Variants in USP34 observed in about 807,000 individuals in gnomAD.
USP34 encodes ubiquitin carboxyl-terminal hydrolase 34.
A neutral mutation model predicts 460.3 loss-of-function variants in USP34; 70 were observed. The observed-to-expected ratio is 0.15, with a 90% CI of 0.13 to 0.19. The LOEUF (loss-of-function observed/expected upper bound fraction) is 0.19. USP34 is among the 10% of genes least tolerant of loss of function. The pLI, the probability that USP34 is intolerant of heterozygous loss-of-function variation, is 1.00. For synonymous variants in USP34, 1,647 were observed against 1,405.3 expected, an observed-to-expected ratio of 1.17 and a Z score of -3.85; for missense variants, 3,985 against 4,236.2, an observed-to-expected ratio of 0.94 and a Z score of 1.65.
rs1038282365 is a variant in USP34, at chr2:61,325,421, T to C, written c.2967A>G (p.Gln989=). The C allele has an allele frequency of 3.9e-6, 6 of 1,554,028 alleles. No homozygotes were observed. In the African/African-American group the frequency reaches 4.2e-5, roughly 11 times the overall value. Residue 989 remains glutamine, a synonymous_variant, in exon 21 of 80, where the codon CAA becomes CAG. Transcript: ENST00000398571. ...GAGTTGAAAATACACAAGTCAAGAA[T>C]TGAAGACGAACTTGAACTTCAGCAC... ...SHSAEVQVRL[Q]FLTCVFSTLG...
chr2:61,311,401 C>A, intron 27 of USP34, 139 bp downstream of exon 27: 1 of 929,646 alleles, frequency 1.1e-6, no homozygotes, highest in Non-Finnish European at 1.5e-6. Flanking sequence ...CAAGACAAAC[C>A]AAGACAGTTG....
At position 61,311,524 on chromosome 2, in the gene USP34, G is replaced by C. The variant is rs559110470; in HGVS notation, c.3817+16C>G. 7.9e-7 allele frequency: 1 copy of C among 1,264,264 alleles called. No individual in the cohort carries two copies. The highest frequency in any genetic ancestry group is 2.9e-5 in the Admixed American group (1 of 34,026). The allele number at this position is 1,264,264 out of a possible 1,614,324, so 78.3% of individuals were successfully genotyped here. ...AGAGAGAAAGAGAAAGAGAAAATTT[G>C]AATTGAAAGGCTTACCAGGAAACTC... is the stretch of plus-strand genomic sequence containing the variant. On this transcript the variant is annotated intron_variant, in intron 27 of 79. Coordinates refer to ENST00000398571, the MANE Select transcript of USP34 (RefSeq NM_014709.4).
chr2:61,293,746 G>A (rs1254261482), intron 32 of USP34, among the ~76,000 whole-genome samples, 196 bp from the exon 33 acceptor site: 2 of 152,166 alleles, frequency 1.3e-5, no homozygotes, highest in Admixed American at 6.5e-5. Context: ...TGGGTGCAAT[G>A]GTTCATGCCT....
At chr2:61,412,980 A>C (rs1384707475) in intron 2 of USP34, among the ~76,000 whole-genome samples, 2 of 152,156 alleles carry the variant, frequency 1.3e-5, no homozygotes, top group African/African-American at 2.4e-5. Flanking sequence ...GAGAGCAATA[A>C]ATATGGAGGT....
chr2:61,285,920 T>G (rs776107657), intron 34 of USP34, among the ~76,000 whole-genome samples: 10 of 152,172 alleles, frequency 6.6e-5, no homozygotes, highest in Non-Finnish European at 1.3e-4. Context: ...ATTATTAAAT[T>G]TATTCTGCAG....
At chr2:61,215,180 G>T (rs1182489894) in intron 67 of USP34, among the ~76,000 whole-genome samples, 1 of 152,018 alleles carries the variant, frequency 6.6e-6, no homozygotes, top group East Asian at 1.9e-4. Context: ...TATAAAGAAA[G>T]AAATAGATAT....
chr2:61,207,182 C>G, intron 70 of USP34: 1 of 213,530 alleles, frequency 4.7e-6, no homozygotes, highest in Non-Finnish European at 9.3e-6. Context: ...TTCAAAATTA[C>G]AAAGCAGTAG....
intron 1 of USP34, among the ~76,000 whole-genome samples, chr2:61,447,395 C>G (rs1342063155): frequency 1.3e-5 from 2 of 150,880 alleles, no homozygotes; most frequent in Non-Finnish European, 2.9e-5. Context: ...ATTTTTCTAT[C>G]AAAGCTCAAA....
intron 61 of USP34, 107 bp from the exon 62 acceptor site, chr2:61,227,325 A>C (rs1186046083): frequency 4.8e-6 from 6 of 1,247,754 alleles, no homozygotes; most frequent in African/African-American, 1.6e-5. Flanking sequence ...GGAGCTTGTA[A>C]CATGAAAAAC....
At chr2:61,455,208 T>G (rs778704625) in intron 1 of USP34, among the ~76,000 whole-genome samples, 6 of 151,070 alleles carry the variant, frequency 4.0e-5, no homozygotes, top group Admixed American at 6.6e-5. Context: ...AGACAGAGTC[T>G]CCGTCTGTCA....
In USP34 at chr2:61,248,185, C is replaced by CAA. The variant is rs11339335; in HGVS notation, c.6394+324_6394+325dup. On this transcript the variant is annotated intron_variant, in intron 49 of 79. Transcript: ENST00000398571. ...ACAAAATAAGACTGTCTCAGAAGACCAAAAAAAAAAAAAAAAAAAAACCCC... is the reference window on the plus strand; with the variant it reads ...ACAAAATAAGACTGTCTCAGAAGACCAAAAAAAAAAAAAAAAAAAAAAACCCC... Among the ~76,000 whole-genome samples, 225 of 69,506 alleles carry CAA rather than the reference C, an allele frequency of 3.2e-3. 3 individuals carry two copies. In the Middle Eastern group the frequency reaches 0.033, roughly 10 times the overall value. The allele number at this position is 69,506 out of a possible 152,430, so 45.6% of individuals were successfully genotyped here.
In USP34 at chr2:61,257,049, T is replaced by C. The variant is rs1367917924; in HGVS notation, c.6048+3A>G. On this transcript the variant is annotated splice_donor_region_variant and intron_variant, in intron 46 of 79. Transcript: ENST00000398571. ...AAAAGTAAAAACCAGGTATAATACT[T>C]ACCAAGGATACAACATTGTTTGTAA... 2 of 1,557,320 alleles carry C rather than the reference T, an allele frequency of 1.3e-6. No homozygotes were observed. Among genetic ancestry groups the C allele is most frequent in the Middle Eastern group, 1.8e-4 (1 of 5,502 alleles).
chr2:61,278,371 T>G lies in USP34; in HGVS notation c.5312+17A>C. On this transcript the variant is annotated intron_variant, in intron 40 of 79. Coordinates refer to ENST00000398571, the MANE Select transcript of USP34 (RefSeq NM_014709.4). ...TTTCCTCGACAATATAAATGTCAAT[T>G]TCACATCAAATTTTACCTTCGAATA... 1 of 1,608,424 alleles carries G rather than the reference T, an allele frequency of 6.2e-7. No individual in the cohort carries two copies.
intron 5 of USP34, among the ~76,000 whole-genome samples, chr2:61,393,516 A>G (rs1002884701): frequency 1.3e-5 from 2 of 151,994 alleles, no homozygotes; most frequent in African/African-American, 4.8e-5. Flanking sequence ...GAATGGGTGG[A>G]ATTTTTTAAC....
At chr2:61,336,718 G>A (rs889996725) in intron 18 of USP34, among the ~76,000 whole-genome samples, 2 of 145,910 alleles carry the variant, frequency 1.4e-5, no homozygotes, top group African/African-American at 2.5e-5. Context: ...GTTGAGGCAG[G>A]AGAATCACTT....
intron 1 of USP34, among the ~76,000 whole-genome samples, chr2:61,468,221 T>C (rs1175688061): frequency 2.0e-5 from 3 of 152,250 alleles, no homozygotes; most frequent in South Asian, 4.1e-4. Context: ...GTTTCGCTCT[T>C]GTTGCCCAGG....
At chr2:61,354,925 C>T (rs574197559) in intron 10 of USP34, among the ~76,000 whole-genome samples, 32 of 152,200 alleles carry the variant, frequency 2.1e-4, no homozygotes, top group African/African-American at 7.2e-4. Flanking sequence ...TGTACCAGAC[C>T]CCATGCTATA....
Position 61,307,308 on chromosome 2 carries a change from C to T in USP34, c.3817+4232G>A, listed in dbSNP as rs533313886. ...AGAAGGGGAACATCACACACCGGGG[C>T]CTGTCATGGGGTGGGGGGAGGGGGG... On this transcript the variant is annotated intron_variant, in intron 27 of 79. Coordinates refer to ENST00000398571, the MANE Select transcript of USP34 (RefSeq NM_014709.4). 4.0e-5 allele frequency among the ~76,000 whole-genome samples: 5 copies of T among 124,660 alleles called. No individual in the cohort carries two copies. In the South Asian group the frequency reaches 1.3e-3, roughly 33 times the overall value. The allele number at this position is 124,660 out of a possible 152,430, so 81.8% of individuals were successfully genotyped here.
intron 5 of USP34, among the ~76,000 whole-genome samples, chr2:61,391,275 A>C (rs981838448): frequency 1.3e-5 from 2 of 151,942 alleles, no homozygotes; most frequent in African/African-American, 4.8e-5. Context: ...GTGAAACACT[A>C]CCTCTACCAG....
Sources: allele counts gnomAD v4.1 joint callset (sites outside exome capture counted in the v4.1 genomes callset), GRCh38; gene constraint gnomAD v4.1.1; transcripts MANE v1.5; gene names NCBI Gene and HGNC (gene_info 2026-07-23, HGNC 2026-07-21).